FAM184A: variants seen among roughly 807,000 people sequenced by gnomAD.
FAM184A encodes the protein protein FAM184A.
In FAM184A, 99 loss-of-function variants were observed where a neutral mutation model predicts 143.8. The ratio of observed to expected loss-of-function variants is 0.69; its 90% CI spans 0.58 to 0.81. The LOEUF (loss-of-function observed/expected upper bound fraction) is 0.81. FAM184A is among the 40% of genes least tolerant of loss of function. The pLI, the probability that FAM184A is intolerant of heterozygous loss-of-function variation, is 0.00. For synonymous variants in FAM184A, 427 were observed against 446.4 expected, an observed-to-expected ratio of 0.96 and a Z score of 0.55; for missense variants, 1,217 against 1,310.5, an observed-to-expected ratio of 0.93 and a Z score of 1.10.
chr6:119,006,089 A>G (rs1468821616), intron 7 of FAM184A: 1 of 765,088 alleles, frequency 1.3e-6, no homozygotes, highest in Non-Finnish European at 2.4e-6. Flanking sequence ...CCTTGTTCCA[A>G]TATGCCTGGT....
intron 1 of FAM184A, among the ~76,000 whole-genome samples, chr6:119,107,029 G>A (rs1482790217): frequency 2.6e-5 from 4 of 152,192 alleles, no homozygotes; most frequent in African/African-American, 4.8e-5. Flanking sequence ...TACTTTCACA[G>A]CTCTCAAGGG....
chr6:118,969,993 A>ATATAAAATATATATATATATATATATAT (rs1189865476), intron 14 of FAM184A, among the ~76,000 whole-genome samples: 6 of 24,382 alleles, frequency 2.5e-4, no homozygotes, highest in Admixed American at 6.6e-4. Flanking sequence ...ATATATATAT[A>ATATAAAATATATATATATATATATATAT]ATATATATAT....
chr6:118,976,690 A>T (rs889944738), intron 11 of FAM184A, among the ~76,000 whole-genome samples: 6 of 151,982 alleles, frequency 3.9e-5, no homozygotes, highest in African/African-American at 1.4e-4. Context: ...ATGAAATTTT[A>T]GAGTTTAATG....
chr6:118,964,735 G>A lies in FAM184A; in HGVS notation c.3070C>T (p.Arg1024Ter), dbSNP rs1421665689. ...AACACTTTGTTGAAGTTAGTTTCTC[G>A]ATTGACTAATTCCAGCTGATAAAAC... ...NKFYQLELVN[R>*]ETNFNKVFNS... Residue 1024 changes from arginine to a stop codon, truncating the protein, a stop_gained, in exon 16 of 18, where the codon CGA becomes TGA. Transcript: ENST00000338891. LOFTEE classifies it high-confidence loss of function. 5 of 1,606,306 alleles carry A rather than the reference G, an allele frequency of 3.1e-6. No individual in the cohort carries two copies. Among genetic ancestry groups the A allele is most frequent in the Non-Finnish European group, 4.3e-6 (5 of 1,174,252 alleles).
intron 1 of FAM184A, among the ~76,000 whole-genome samples, chr6:119,116,673 T>G (rs924333182): frequency 1.3e-5 from 2 of 152,098 alleles, no homozygotes; most frequent in African/African-American, 2.4e-5. Context: ...GAGAAATGAG[T>G]GTCCAGCTGC....
intron 1 of FAM184A, among the ~76,000 whole-genome samples, 192 bp from the exon 2 acceptor site, chr6:119,025,005 G>A (rs2114692690): frequency 6.6e-6 from 1 of 152,228 alleles, no homozygotes; most frequent in Non-Finnish European, 1.5e-5. Flanking sequence ...TTCTATCTTA[G>A]CACAGTCTTA....
intron 5 of FAM184A, among the ~76,000 whole-genome samples, chr6:119,013,827 A>C (rs1006326644): frequency 6.6e-6 from 1 of 152,230 alleles, no homozygotes; most frequent in African/African-American, 2.4e-5. Context: ...TTCATATCCT[A>C]TCTCTTCTTA....
intron 1 of FAM184A, among the ~76,000 whole-genome samples, chr6:119,107,136 A>T (rs1171691123): frequency 2.6e-5 from 4 of 152,246 alleles, no homozygotes; most frequent in Non-Finnish European, 5.9e-5. Flanking sequence ...TTAAATGTAT[A>T]AGCTGCATAT....
At chr6:119,094,202 G>C (rs1788447553) in intron 1 of FAM184A, among the ~76,000 whole-genome samples, 1 of 152,056 alleles carries the variant, frequency 6.6e-6, no homozygotes, top group Non-Finnish European at 1.5e-5. Flanking sequence ...CTCTCGAGTA[G>C]CTGGGATTAC....
chr6:118,991,161 T>G (rs1784365831), intron 9 of FAM184A, among the ~76,000 whole-genome samples: 1 of 151,644 alleles, frequency 6.6e-6, no homozygotes, highest in African/African-American at 2.4e-5. Context: ...TTTTATTTTT[T>G]AATTTTTTTT....
intron 4 of FAM184A, among the ~76,000 whole-genome samples, chr6:119,018,812 C>G (rs1172393746): frequency 1.3e-5 from 2 of 151,828 alleles, no homozygotes; most frequent in Non-Finnish European, 2.9e-5. Context: ...GAAGTAGAAC[C>G]AACAGGACTC....
At chr6:118,995,349 G>A (rs1301398097) in intron 9 of FAM184A, among the ~76,000 whole-genome samples, 2 of 152,138 alleles carry the variant, frequency 1.3e-5, no homozygotes, top group East Asian at 3.9e-4. Context: ...AGCCTGAAAA[G>A]TTGAGGGTGC....
intron 1 of FAM184A, among the ~76,000 whole-genome samples, chr6:119,047,038 A>T (rs1341623317): frequency 8.4e-6 from 1 of 119,158 alleles, no homozygotes; most frequent in Admixed American, 1.0e-4. Flanking sequence ...CAGGAAAAAA[A>T]TCTAATAATC....
intron 14 of FAM184A, among the ~76,000 whole-genome samples, chr6:118,969,993 A>AAAATATAT (rs1554264562): frequency 4.1e-5 from 1 of 24,376 alleles, no homozygotes; most frequent in African/African-American, 1.4e-4. Context: ...ATATATATAT[A>AAAATATAT]ATATATATAT....
chr6:119,076,808 G>A (rs1787888226), intron 1 of FAM184A, among the ~76,000 whole-genome samples: 1 of 152,192 alleles, frequency 6.6e-6, no homozygotes, highest in Admixed American at 6.5e-5. Context: ...TAAATGTTCT[G>A]ATGATACACT....
intron 11 of FAM184A, among the ~76,000 whole-genome samples, chr6:118,976,805 A>C (rs1433752895): frequency 6.6e-6 from 1 of 152,182 alleles, no homozygotes; most frequent in Non-Finnish European, 1.5e-5. Context: ...ATATTGAAAA[A>C]TGTTCAATAT....
At chr6:119,139,621 G>A (rs9372523) in intron 1 of FAM184A, among the ~76,000 whole-genome samples, 53,253 of 146,778 alleles carry the variant, frequency 0.36, 11,589 homozygotes, top group Non-Finnish European at 0.47. Flanking sequence ...AGTATTATAC[G>A]TTCTCATAAT....
rs1483441051 is a variant in FAM184A, at chr6:119,024,599, G to T, written c.374C>A (p.Ala125Asp). The T allele has an allele frequency of 6.2e-7, 1 of 1,614,018 alleles. No homozygotes were observed. The highest frequency in any genetic ancestry group is 8.5e-7 in the Non-Finnish European group (1 of 1,180,032). Reference protein sequence around the residue: ...LEDHIKMKQQALTEFEAYKHR... With the variant: ...LEDHIKMKQQDLTEFEAYKHR... ...CTTATAAGCTTCAAATTCTGTCAAA[G>T]CCTGCTGCTTCATTTTTATGTGATC... The change falls in exon 2 of 18, where the codon GCT becomes GAT. Residue 125 changes from alanine (A) to aspartate (D), a missense_variant. Physicochemically the swap from Ala to Asp is moderately radical, Grantham distance 126 (BLOSUM62 -2). Coordinates refer to ENST00000338891, the MANE Select transcript of FAM184A (RefSeq NM_024581.6).
At chr6:119,120,497 G>A (rs1023617265) in intron 1 of FAM184A, among the ~76,000 whole-genome samples, 1 of 152,084 alleles carries the variant, frequency 6.6e-6, no homozygotes, top group East Asian at 1.9e-4. Context: ...AAATGTTTTC[G>A]GTTCTCTTGA....
Sources: gnomAD v4.1 joint callset for allele counts (sites outside exome capture counted in the v4.1 genomes callset) on GRCh38, gnomAD v4.1.1 for gene constraint, MANE v1.5 for transcripts, NCBI Gene and HGNC (gene_info 2026-07-23, HGNC 2026-07-21) for gene names.